NINJ2: variants seen among roughly 807,000 people sequenced by gnomAD.
NINJ2 encodes the protein ninjurin 2, also known as ninjurin-2.
A neutral mutation model predicts 11.7 loss-of-function variants in NINJ2; 12 were observed. The ratio of observed to expected loss-of-function variants is 1.02; its 90% CI spans 0.66 to 1.66. The LOEUF (loss-of-function observed/expected upper bound fraction) is 1.66. NINJ2 is among the 40% of genes most tolerant of loss of function. The pLI is 0.00. For missense variants in NINJ2, 187 were observed against 181.8 expected (o/e 1.03, Z -0.16); for synonymous variants, 93 against 76.8 (o/e 1.21, Z -1.10).
At chr12:627,914 G>A (rs1463511034) in intron 1 of NINJ2, among the ~76,000 whole-genome samples, 36 of 152,186 alleles carry the variant, frequency 2.4e-4, no homozygotes. Flanking sequence ...CAGCCTGAGC[G>A]ATAGAGCGAG....
chr12:621,294 T>TA lies in NINJ2; in HGVS notation c.33+42033dup, dbSNP rs575266358. Among the ~76,000 whole-genome samples, 205 of 148,744 alleles carry TA rather than the reference T, an allele frequency of 1.4e-3. 1 individual carries two copies. The highest frequency in any genetic ancestry group is 4.9e-3 in the African/African-American group (196 of 40,220). ...GAGATGCCATCTCTATAAAAAAATT[T>TA]AAAAAAAAAATTAGCCAGGCATGAT... On this transcript the variant is annotated intron_variant, in intron 1 of 3. Coordinates refer to ENST00000305108, the MANE Select transcript of NINJ2 (RefSeq NM_016533.6).
chr12:660,324 C>CTGA (rs1238983750), intron 1 of NINJ2, among the ~76,000 whole-genome samples: 2 of 141,150 alleles, frequency 1.4e-5, no homozygotes, highest in Non-Finnish European at 3.1e-5. Context: ...AATCACAGGT[C>CTGA]TGATAAGTTG....
At chr12:582,048 G>A (rs1171080157) in intron 1 of NINJ2, among the ~76,000 whole-genome samples, 1 of 152,168 alleles carries the variant, frequency 6.6e-6, no homozygotes, top group East Asian at 1.9e-4. Flanking sequence ...GCCCTGTGAG[G>A]GGAAACAGGC....
chr12:610,610 G>A lies in NINJ2; in HGVS notation c.34-44432C>T, dbSNP rs1014442669. On this transcript the variant is annotated intron_variant, in intron 1 of 3. Coordinates refer to ENST00000305108, the MANE Select transcript of NINJ2 (RefSeq NM_016533.6). Reference sequence around the variant, plus strand: ...ACTCTGTTCAGCCCAGCCACAGGAGGGGGTTACCAGGCAGGGACTTAATAT... The same window carrying A: ...ACTCTGTTCAGCCCAGCCACAGGAGAGGGTTACCAGGCAGGGACTTAATAT... The A allele has an allele frequency of 7.1e-6, 7 of 985,294 alleles. No individual in the cohort carries two copies. The African/African-American group carries it at 1.2e-4, about 17-fold the overall frequency. 61.0% of individuals were successfully genotyped at this position (985,294 alleles called of 1,614,324 possible).
chr12:600,336 T>C (rs1173600556), intron 1 of NINJ2, among the ~76,000 whole-genome samples: 4 of 152,134 alleles, frequency 2.6e-5, no homozygotes, highest in Admixed American at 6.6e-5. Context: ...GCAGAATGCC[T>C]GAGCTCAGGA....
chr12:649,115 C>T (rs576396156), intron 1 of NINJ2, among the ~76,000 whole-genome samples: 52 of 151,730 alleles, frequency 3.4e-4, no homozygotes, highest in Non-Finnish European at 4.7e-4. Flanking sequence ...GGCGCGATCT[C>T]GGCTCACTGC....
intron 1 of NINJ2, among the ~76,000 whole-genome samples, chr12:637,222 T>C (rs570860323): frequency 4.2e-4 from 63 of 151,100 alleles, no homozygotes; most frequent in African/African-American, 1.5e-3. Flanking sequence ...GGTGGTGCAC[T>C]CCTGTAATCC....
In NINJ2 at chr12:640,076, T is replaced by C. The variant is rs1469603994; in HGVS notation, c.33+23252A>G. On this transcript the variant is annotated intron_variant, in intron 1 of 3. Coordinates refer to ENST00000305108, the MANE Select transcript of NINJ2 (RefSeq NM_016533.6). This position sits in a 1 kb window ranked among gnomAD's most constrained non-coding sequence, Gnocchi z 4.0. The stretch of plus-strand genomic sequence containing the variant: ...CGTCCCTCCAATGTGCCAGACCTAC[T>C]GTCACAGCAATATGTATCCCCAGTT... Among the ~76,000 whole-genome samples, 1 of 152,228 alleles carries C rather than the reference T, an allele frequency of 6.6e-6. No individual in the cohort carries two copies. The highest frequency in any genetic ancestry group is 1.9e-4 in the East Asian group (1 of 5,196).
chr12:611,142 C>T lies in NINJ2; in HGVS notation c.34-44964G>A, dbSNP rs76033363. ...AGTTACGATAGAGGAAGAGGCACAT[C>T]AACCCCAGGCCTGCCTGCCTTTCTT... On this transcript the variant is annotated intron_variant, in intron 1 of 3. Coordinates refer to ENST00000305108, the MANE Select transcript of NINJ2 (RefSeq NM_016533.6). 4.4e-3 allele frequency among the ~76,000 whole-genome samples: 670 copies of T among 152,274 alleles called. 33 individuals are homozygous for T. In the East Asian group the frequency reaches 0.11, roughly 25 times the overall value.
chr12:637,795 G>T (rs1031089943), intron 1 of NINJ2, among the ~76,000 whole-genome samples: 4 of 152,218 alleles, frequency 2.6e-5, no homozygotes, highest in Non-Finnish European at 5.9e-5. Flanking sequence ...GTTTAGGTTA[G>T]TGATTAGTGC....
At chr12:592,393 GAAGA>G (rs894307614) in intron 1 of NINJ2, among the ~76,000 whole-genome samples, 4 of 152,118 alleles carry the variant, frequency 2.6e-5, no homozygotes, top group African/African-American at 9.7e-5. Context: ...CACAGATTAC[GAAGA>G]AACAGAATAA....
intron 1 of NINJ2, chr12:590,605 C>T (rs1381847774): frequency 3.3e-5 from 5 of 152,326 alleles, no homozygotes; most frequent in Admixed American, 6.5e-5. Context: ...TACAGCAGTC[C>T]GCCCAGCCAC....
Position 564,556 on chromosome 12 carries a change from T to C in NINJ2, c.*144A>G, listed in dbSNP as rs549535579. 6.6e-6 allele frequency: 1 copy of C among 152,370 alleles called. No individual in the cohort carries two copies. Among genetic ancestry groups the C allele is most frequent in the Admixed American group, 6.5e-5 (1 of 15,310 alleles). The allele number at this position is 152,370 out of a possible 1,614,324, so 9.4% of individuals were successfully genotyped here. A position where few individuals can be genotyped will look rare whatever the true frequency, so the allele number is the denominator to read the frequency against. ...AATAACATAAAAATCACTTTTTAAC[T>C]CAGGTGCTGTGGGTAGGGAGCAAGG... On this transcript the variant is annotated 3_prime_UTR_variant, in exon 4 of 4. Transcript: ENST00000305108.
chr12:651,101 G>T (rs1325001060), intron 1 of NINJ2, among the ~76,000 whole-genome samples: 1 of 151,578 alleles, frequency 6.6e-6, no homozygotes, highest in Non-Finnish European at 1.5e-5. Context: ...TCATGGGGGT[G>T]GGCATTGGAG....
chr12:603,616 T>C (rs948419478), intron 1 of NINJ2, among the ~76,000 whole-genome samples: 6 of 151,890 alleles, frequency 4.0e-5, no homozygotes, highest in African/African-American at 1.5e-4. Flanking sequence ...TTCTTTTCCA[T>C]GTGGACATCC....
rs115698248 is a variant in NINJ2 at position 574,471 on chromosome 12, A to G, written c.34-8293T>C. Among the ~76,000 whole-genome samples the G allele has an allele frequency of 6.5e-3, 987 of 152,132 alleles. 12 individuals are homozygous for G. The highest frequency in any genetic ancestry group is 0.023 in the African/African-American group (952 of 41,514). On this transcript the variant is annotated intron_variant, in intron 1 of 3. Transcript: ENST00000305108. The stretch of plus-strand genomic sequence containing the variant: ...TGAGAAGTGGGAACTTTAAGAGGCA[A>G]TTGGGTCACGAGGGCTCTGCCCTCA...
At position 633,729 on chromosome 12, in the gene NINJ2, C is replaced by G. The variant is rs754286320; in HGVS notation, c.33+29599G>C. ...ACTCAGGAGGCTGAGGCAGGAGAAT[C>G]ATTTGAACCCAGGAGGTGGAGGTTG... is the stretch of plus-strand genomic sequence containing the variant. On this transcript the variant is annotated intron_variant, in intron 1 of 3. Coordinates refer to ENST00000305108, the MANE Select transcript of NINJ2 (RefSeq NM_016533.6). The surrounding 1 kb of genome is among the most constrained non-coding windows in gnomAD (Gnocchi z 4.3). Among the ~76,000 whole-genome samples the G allele has an allele frequency of 1.3e-5, 2 of 152,182 alleles. No individual in the cohort carries two copies. Among genetic ancestry groups the G allele is most frequent in the Middle Eastern group, 3.2e-3 (1 of 316 alleles).
chr12:628,081 G>A lies in NINJ2; in HGVS notation c.33+35247C>T, dbSNP rs1430257308. On this transcript the variant is annotated intron_variant, in intron 1 of 3. Coordinates refer to ENST00000305108, the MANE Select transcript of NINJ2 (RefSeq NM_016533.6). This position sits in a 1 kb window ranked among gnomAD's most constrained non-coding sequence, Gnocchi z 4.4. ...CTGGGAGTGAAAAGACTGGCCATGG[G>A]GACAGAGAGCTGGATCCAAAGGTCA... 1.3e-5 allele frequency among the ~76,000 whole-genome samples: 2 copies of A among 152,174 alleles called. No homozygotes were observed. Among genetic ancestry groups the A allele is most frequent in the South Asian group, 2.1e-4 (1 of 4,834 alleles).
intron 1 of NINJ2, among the ~76,000 whole-genome samples, chr12:625,143 T>C (rs948778418): frequency 6.6e-6 from 1 of 150,742 alleles, no homozygotes; most frequent in Non-Finnish European, 1.5e-5. Context: ...GATATATAGA[T>C]ATATTTGCCC....
Sources: gnomAD v4.1 joint callset for allele counts (sites outside exome capture counted in the v4.1 genomes callset) on GRCh38, gnomAD v4.1.1 for gene constraint, Gnocchi (gnomAD v3.1) non-coding constraint, MANE v1.5 for transcripts, NCBI Gene and HGNC (gene_info 2026-07-23, HGNC 2026-07-21) for gene names.